The following USP44 variants were observed in gnomAD, a reference collection of about 807,000 sequenced individuals.
The protein encoded by USP44 is ubiquitin specific peptidase 44, also known as ubiquitin carboxyl-terminal hydrolase 44.
A neutral mutation model predicts 69.0 loss-of-function variants in USP44; 61 were observed. That is an observed-to-expected ratio of 0.88 (90% CI 0.72 to 1.09). The LOEUF is 1.09. USP44 is among the 50% of genes least tolerant of loss of function. The pLI is 0.00. For synonymous variants in USP44, 297 were observed against 295.4 expected, an observed-to-expected ratio of 1.01 and a Z score of -0.06; for missense variants, 753 against 849.9, an observed-to-expected ratio of 0.89 and a Z score of 1.42.
In USP44 at chr12:95,536,029, C is replaced by T. The variant is rs575103441; in HGVS notation, c.-70-1703G>A. 3.6e-3 allele frequency among the ~76,000 whole-genome samples: 442 copies of T among 123,824 alleles called. 8 individuals carry two copies. Among genetic ancestry groups the T allele is most frequent in the South Asian group, 0.012 (49 of 3,998 alleles). The allele number at this position is 123,824 out of a possible 152,430, so 81.2% of individuals were successfully genotyped here. A position where few individuals can be genotyped will look rare whatever the true frequency, so the allele number is the denominator to read the frequency against. On this transcript the variant is annotated intron_variant, in intron 1 of 5. Coordinates refer to ENST00000258499, the MANE Select transcript of USP44 (RefSeq NM_032147.5). The stretch of plus-strand genomic sequence containing the variant: ...ACATGTTCACATGTTTCTTTCTTTC[C>T]TTTTTTTTCCTTTTTTTTTTTTTTT...
rs200300733 is a variant in USP44, at chr12:95,533,159, C to G, written c.1098G>C (p.Met366Ile). The G allele has an allele frequency of 5.0e-6, 8 of 1,614,030 alleles. No individual in the cohort carries two copies. Among genetic ancestry groups the G allele is most frequent in the Non-Finnish European group, 6.8e-6 (8 of 1,180,042 alleles). ...LSGGASKGRK[M>I]ELIQPKEPTS... Reference sequence around the variant, plus strand: ...TTGGCTCCTTTGGCTGAATAAGTTCCATCTTTCTACCTTTTGATGCTCCAC... The same window carrying G: ...TTGGCTCCTTTGGCTGAATAAGTTCGATCTTTCTACCTTTTGATGCTCCAC... Residue 366 changes from methionine to isoleucine, a missense_variant, in exon 2 of 6, where the codon ATG becomes ATC. By Grantham distance (10) the Met-to-Ile change is conservative. Transcript: ENST00000258499.
rs142005287 is a variant in USP44 at position 95,541,966 on chromosome 12, G to T, written c.-70-7640C>A. ...GTGATCTTGGCTCACTGCAACTTCCGTTGTTGCAGGCCCAAGTGATCCTCC... is the reference window on the plus strand; with the variant it reads ...GTGATCTTGGCTCACTGCAACTTCCTTTGTTGCAGGCCCAAGTGATCCTCC... On this transcript the variant is annotated intron_variant, in intron 1 of 5. Coordinates refer to ENST00000258499, the MANE Select transcript of USP44 (RefSeq NM_032147.5). 6.2e-5 allele frequency among the ~76,000 whole-genome samples: 9 copies of T among 145,244 alleles called. No individual in the cohort carries two copies. The South Asian group carries it at 1.3e-3, about 21-fold the overall frequency.
In USP44 at chr12:95,532,782, C is replaced by G. The variant is rs369272156; in HGVS notation, c.1428+47G>C. ...AGAATATGCCTTTTTATAGGCTACA[C>G]TTTATGAACTCCCAATGATGAAAAT... On this transcript the variant is annotated intron_variant, in intron 2 of 5. Coordinates refer to ENST00000258499, the MANE Select transcript of USP44 (RefSeq NM_032147.5). The G allele has an allele frequency of 2.5e-5, 37 of 1,494,182 alleles. No homozygotes were observed. The African/African-American group carries it at 5.1e-4, about 20-fold the overall frequency. The allele number at this position is 1,494,182 out of a possible 1,614,324, so 92.6% of individuals were successfully genotyped here.
At chr12:95,550,766 A>C (rs1307663968) in intron 1 of USP44, among the ~76,000 whole-genome samples, 1 of 152,100 alleles carries the variant, frequency 6.6e-6, no homozygotes, top group Non-Finnish European at 1.5e-5. Flanking sequence ...GATGTGAATA[A>C]ATGAAGAGAA....
chr12:95,527,097 C>CTT (rs1276106110), intron 3 of USP44, among the ~76,000 whole-genome samples: 14 of 134,014 alleles, frequency 1.0e-4, no homozygotes, highest in Non-Finnish European at 1.4e-4. Context: ...CTGGATCATT[C>CTT]TTTTTTTTTT....
chr12:95,523,123 C>A (rs772591030), intron 4 of USP44, among the ~76,000 whole-genome samples: 1 of 152,174 alleles, frequency 6.6e-6, no homozygotes, highest in Non-Finnish European at 1.5e-5. Context: ...CCATGCCCTA[C>A]ACATGACTTC....
At chr12:95,541,402 G>A (rs1003449895) in intron 1 of USP44, among the ~76,000 whole-genome samples, 2 of 152,072 alleles carry the variant, frequency 1.3e-5, no homozygotes, top group African/African-American at 2.4e-5. Context: ...AGCAGCCTGC[G>A]CAACATAGTG....
At chr12:95,549,557 C>G (rs922434209) in intron 1 of USP44, among the ~76,000 whole-genome samples, 1 of 152,098 alleles carries the variant, frequency 6.6e-6, no homozygotes, top group South Asian at 2.1e-4. Context: ...TTAACTGAAC[C>G]TATACTCAAT....
At chr12:95,523,534 A>C (rs1245984713) in intron 4 of USP44, among the ~76,000 whole-genome samples, 1 of 152,156 alleles carries the variant, frequency 6.6e-6, no homozygotes, top group Non-Finnish European at 1.5e-5. Flanking sequence ...AGAGTATGGT[A>C]GGAGAAACTG....
chr12:95,519,173 T>C (rs2076567782), intron 5 of USP44, among the ~76,000 whole-genome samples: 2 of 152,046 alleles, frequency 1.3e-5, no homozygotes, highest in Non-Finnish European at 2.9e-5. Context: ...TATGAGTGGC[T>C]GAGATAGTGA....
chr12:95,534,908 T>G (rs2077151518), intron 1 of USP44, among the ~76,000 whole-genome samples: 1 of 152,216 alleles, frequency 6.6e-6, no homozygotes, highest in Admixed American at 6.5e-5. Flanking sequence ...CTTGAACTCC[T>G]GAGCTCGGGT....
intron 1 of USP44, among the ~76,000 whole-genome samples, chr12:95,542,769 C>CA (rs201513285): frequency 0.032 from 4,482 of 141,082 alleles, 210 homozygotes; most frequent in African/African-American, 0.11. Context: ...AACCAAAACA[C>CA]AAAAAAAAAC....
rs1395733323 is a variant in USP44 at position 95,548,911 on chromosome 12, G to A, written c.-71+2361C>T. The A allele has an allele frequency of 6.6e-6, 1 of 152,012 alleles. No homozygotes were observed. Among genetic ancestry groups the A allele is most frequent in the East Asian group, 1.9e-4 (1 of 5,152 alleles). The allele number at this position is 152,012 out of a possible 1,614,324, so 9.4% of individuals were successfully genotyped here. On this transcript the variant is annotated intron_variant, in intron 1 of 5. Coordinates refer to ENST00000258499, the MANE Select transcript of USP44 (RefSeq NM_032147.5). This position sits in a 1 kb window ranked among gnomAD's most constrained non-coding sequence, Gnocchi z 4.1. The stretch of plus-strand genomic sequence containing the variant: ...CCCCCTCCCACAGCCCCACCCCTGC[G>A]CCGGCTCTTCGCGGGCACCGAGAAC...
At position 95,548,557 on chromosome 12, in the gene USP44, G is replaced by T. The variant is rs961160661; in HGVS notation, c.-71+2715C>A. 66 of 153,058 alleles carry T rather than the reference G, an allele frequency of 4.3e-4. 3 individuals are homozygous for T. Among genetic ancestry groups the T allele is most frequent in the African/African-American group, 1.5e-3 (63 of 41,562 alleles). 9.5% of individuals were successfully genotyped at this position (153,058 alleles called of 1,614,324 possible). On this transcript the variant is annotated intron_variant, in intron 1 of 5. Transcript: ENST00000258499. The surrounding 1 kb of genome is among the most constrained non-coding windows in gnomAD (Gnocchi z 4.1). ...TTCCCAGGGGGGCAATTCAAAATTCGCCGGACGCGTCGCCGCCGCGCGCCC... is the reference window on the plus strand; with the variant it reads ...TTCCCAGGGGGGCAATTCAAAATTCTCCGGACGCGTCGCCGCCGCGCGCCC...
At chr12:95,529,566 G>A (rs2076956219) in intron 2 of USP44, among the ~76,000 whole-genome samples, 1 of 152,020 alleles carries the variant, frequency 6.6e-6, no homozygotes, top group Non-Finnish European at 1.5e-5. Flanking sequence ...TGGACTACAG[G>A]TGCCAGCTAC....
chr12:95,540,465 C>A (rs1157057430), intron 1 of USP44, among the ~76,000 whole-genome samples: 1 of 151,806 alleles, frequency 6.6e-6, no homozygotes, highest in Non-Finnish European at 1.5e-5. Flanking sequence ...GCCTCAGCCT[C>A]CCGAGTAGCT....
In USP44 at chr12:95,516,731, T is replaced by C. The variant is rs933336445; in HGVS notation, c.*1423A>G. ...TGATAAAAGTCTCACTGCACCTCAC[T>C]ATCAGCTAACCCAGATGACTTGTTT... On this transcript the variant is annotated 3_prime_UTR_variant, in exon 6 of 6. Coordinates refer to ENST00000258499, the MANE Select transcript of USP44 (RefSeq NM_032147.5). The C allele has an allele frequency of 3.9e-5, 6 of 152,214 alleles. No homozygotes were observed. Among genetic ancestry groups the C allele is most frequent in the African/African-American group, 9.7e-5 (4 of 41,448 alleles). The allele number at this position is 152,214 out of a possible 1,614,324, so 9.4% of individuals were successfully genotyped here.
intron 1 of USP44, chr12:95,547,948 T>G (rs891291923): frequency 1.3e-5 from 2 of 152,200 alleles, no homozygotes; most frequent in Non-Finnish European, 2.9e-5. Flanking sequence ...ATAGTTCACT[T>G]TCTTTTTTCA....
chr12:95,545,881 T>C (rs2077553920), intron 1 of USP44, among the ~76,000 whole-genome samples: 1 of 152,216 alleles, frequency 6.6e-6, no homozygotes, highest in African/African-American at 2.4e-5. Context: ...TTATTCTTTC[T>C]TCCTTTAGAG....
Sources: allele counts gnomAD v4.1 joint callset (sites outside exome capture counted in the v4.1 genomes callset), GRCh38; gene constraint gnomAD v4.1.1; non-coding constraint Gnocchi (gnomAD v3.1); transcripts MANE v1.5; gene names NCBI Gene and HGNC (gene_info 2026-07-23, HGNC 2026-07-21).